Variants in CDK15 observed in about 807,000 individuals in gnomAD.
The protein encoded by CDK15 is cyclin dependent kinase 15.
A neutral mutation model predicts 60.3 loss-of-function variants in CDK15; 62 were observed. The observed-to-expected ratio is 1.03, with a 90% CI of 0.84 to 1.27. The LOEUF is 1.27. CDK15 is among the 50% of genes most tolerant of loss of function. The probability of loss-of-function intolerance (pLI) is 0.00; values close to 1 mark genes in which losing one functional copy is unlikely to be tolerated. For synonymous variants in CDK15, 194 were observed against 195.7 expected (o/e 0.99, Z 0.07); for missense variants, 541 against 527.8 (o/e 1.03, Z -0.25).
chr2:201,828,864 A>G (rs140305270), intron 6 of CDK15, among the ~76,000 whole-genome samples: 169 of 152,256 alleles, frequency 1.1e-3, no homozygotes, highest in African/African-American at 3.9e-3. Flanking sequence ...CTGGTGATCA[A>G]CTTAACCTTC....
intron 6 of CDK15, among the ~76,000 whole-genome samples, chr2:201,830,464 A>C (rs1048738013): frequency 6.6e-6 from 1 of 152,240 alleles, no homozygotes; most frequent in African/African-American, 2.4e-5. Context: ...ATTGTGAATG[A>C]CACAATCGTT....
chr2:201,889,842 G>A (rs892253118), intron 12 of CDK15, among the ~76,000 whole-genome samples: 16 of 152,106 alleles, frequency 1.1e-4, no homozygotes, highest in Admixed American at 9.2e-4. Flanking sequence ...CTGAGGTCAG[G>A]AGTTCAAGAC....
chr2:201,886,073 C>A (rs1034097127), intron 12 of CDK15, among the ~76,000 whole-genome samples: 3 of 152,132 alleles, frequency 2.0e-5, no homozygotes, highest in Non-Finnish European at 4.4e-5. Flanking sequence ...AGATTAGAAC[C>A]AAGATCTTGA....
rs570385427 is a variant in CDK15 at position 201,862,139 on chromosome 2, G to T, written c.1009+7202G>T. On this transcript the variant is annotated intron_variant, in intron 10 of 13. Coordinates refer to ENST00000652192, the MANE Select transcript of CDK15 (RefSeq NM_001366386.2). ...TTAAGGCTGTTCTTATTTGGTGATG[G>T]GTCCATTCTGCTCCCCACACCTAGA... 5.3e-5 allele frequency among the ~76,000 whole-genome samples: 8 copies of T among 152,210 alleles called. No homozygotes were observed. In the South Asian group the frequency reaches 1.7e-3, roughly 32 times the overall value.
intron 8 of CDK15, among the ~76,000 whole-genome samples, chr2:201,842,899 C>T (rs989744605): frequency 6.6e-6 from 1 of 152,092 alleles, no homozygotes; most frequent in Non-Finnish European, 1.5e-5. Flanking sequence ...CACGGGCTGC[C>T]CCACGGGTAT....
chr2:201,828,904 G>A (rs898268580), intron 6 of CDK15, among the ~76,000 whole-genome samples: 2 of 152,092 alleles, frequency 1.3e-5, no homozygotes, highest in Admixed American at 1.3e-4. Context: ...ATCATGCCTT[G>A]GTCTTTCCAG....
rs188964969 is a variant in CDK15 at position 201,892,680 on chromosome 2, T to C, written c.*34-621T>C. Among the ~76,000 whole-genome samples, 376 of 152,232 alleles carry C rather than the reference T, an allele frequency of 2.5e-3. 1 individual carries two copies. The highest frequency in any genetic ancestry group is 4.2e-3 in the Non-Finnish European group (285 of 68,010). ...CCACAAGAGGGAAAAGCTAGAGCAA[T>C]TAAACTGTTTAATAAATGGCTTGGG... On this transcript the variant is annotated intron_variant, in intron 13 of 13. Coordinates refer to ENST00000652192, the MANE Select transcript of CDK15 (RefSeq NM_001366386.2).
intron 10 of CDK15, among the ~76,000 whole-genome samples, chr2:201,868,186 G>C (rs1174419733): frequency 6.6e-6 from 1 of 152,176 alleles, no homozygotes; most frequent in Non-Finnish European, 1.5e-5. Context: ...ACCTGAGTGG[G>C]AGAGAGAGGG....
intron 8 of CDK15, among the ~76,000 whole-genome samples, chr2:201,842,717 T>C (rs1697451610): frequency 6.6e-6 from 1 of 152,164 alleles, no homozygotes; most frequent in Non-Finnish European, 1.5e-5. Flanking sequence ...AGAGAAAAAG[T>C]AGGAGGAGAA....
At chr2:201,886,665 C>T (rs1353824895) in intron 12 of CDK15, among the ~76,000 whole-genome samples, 1 of 152,100 alleles carries the variant, frequency 6.6e-6, no homozygotes, top group East Asian at 1.9e-4. Context: ...TTTGTTTCAC[C>T]TGTGACTCAT....
chr2:201,829,697 G>C (rs970111757), intron 6 of CDK15, among the ~76,000 whole-genome samples: 2 of 152,122 alleles, frequency 1.3e-5, no homozygotes, highest in Non-Finnish European at 2.9e-5. Context: ...GGGTAAGATA[G>C]CTAAGGGAGC....
intron 10 of CDK15, among the ~76,000 whole-genome samples, chr2:201,858,955 C>T (rs1249346673): frequency 1.3e-5 from 2 of 152,072 alleles, no homozygotes; most frequent in Non-Finnish European, 2.9e-5. Context: ...GGCAGCACAC[C>T]CCCTTTTCAC....
chr2:201,820,278 A>G (rs1434803211), intron 4 of CDK15, among the ~76,000 whole-genome samples: 1 of 152,206 alleles, frequency 6.6e-6, no homozygotes, highest in Non-Finnish European at 1.5e-5. Flanking sequence ...ATGGTCAGAA[A>G]ATATGGAAGG....
chr2:201,868,927 G>A (rs1221076311), intron 10 of CDK15, among the ~76,000 whole-genome samples: 1 of 152,206 alleles, frequency 6.6e-6, no homozygotes, highest in East Asian at 1.9e-4. Context: ...ATACACTGTT[G>A]GTGGGAGTGT....
chr2:201,888,324 AT>A (rs1186406504), intron 12 of CDK15: 2 of 1,339,908 alleles, frequency 1.5e-6, no homozygotes, highest in African/African-American at 3.0e-5. Flanking sequence ...CTATCTCATT[AT>A]CTCGTTCCGA....
At chr2:201,807,751 C>T in intron 2 of CDK15, 107 bp from the exon 3 acceptor site, 2 of 1,543,708 alleles carry the variant, frequency 1.3e-6, no homozygotes, top group Non-Finnish European at 1.8e-6. Flanking sequence ...CAAGTCTGCT[C>T]TGGCAATGCT....
At chr2:201,839,970 T>TTTTTTG (rs113933590) in intron 8 of CDK15, among the ~76,000 whole-genome samples, 2,083 of 150,756 alleles carry the variant, frequency 0.014, 59 homozygotes, top group African/African-American at 0.048. Context: ...CTGGGGTTTT[T>TTTTTTG]TTTTTGTTTT....
chr2:201,883,752 C>G (rs1177615685), intron 12 of CDK15, among the ~76,000 whole-genome samples: 1 of 152,246 alleles, frequency 6.6e-6, no homozygotes, highest in Admixed American at 6.5e-5. Context: ...CACTCAGACA[C>G]CGGCTTATGG....
intron 10 of CDK15, among the ~76,000 whole-genome samples, chr2:201,860,466 A>G (rs1698342906): frequency 6.6e-6 from 1 of 152,230 alleles, no homozygotes; most frequent in Admixed American, 6.5e-5. Flanking sequence ...GAGGCCTTCA[A>G]ACTTTTAAAG....
Sources: allele counts gnomAD v4.1 joint callset (sites outside exome capture counted in the v4.1 genomes callset), GRCh38; gene constraint gnomAD v4.1.1; transcripts MANE v1.5; gene names NCBI Gene and HGNC (gene_info 2026-07-23, HGNC 2026-07-21).